POLDIP3: variants seen among roughly 807,000 people sequenced by gnomAD.
POLDIP3 encodes DNA polymerase delta interacting protein 3.
POLDIP3 carries 14 observed loss-of-function variants against 45.1 expected under a neutral mutation model. The observed-to-expected ratio is 0.31, with a 90% CI of 0.20 to 0.49. The LOEUF (loss-of-function observed/expected upper bound fraction) is 0.49, where lower values mean the gene tolerates loss of function less well. Among genes scored for constraint, POLDIP3 ranks in the 20% least tolerant of loss-of-function variants. The pLI, the probability that POLDIP3 is intolerant of heterozygous loss-of-function variation, is 0.99. For synonymous variants in POLDIP3, 223 were observed against 205.2 expected, an observed-to-expected ratio of 1.09 and a Z score of -0.74; for missense variants, 511 against 538.8, an observed-to-expected ratio of 0.95 and a Z score of 0.51.
rs1925136261 is a variant in POLDIP3 at position 42,584,058 on chromosome 22, C to T, written c.*1733G>A. On this transcript the variant is annotated 3_prime_UTR_variant, in exon 9 of 9. Transcript: ENST00000252115. ...GGATGAGAGGGAGGATAAAGCCATGCAGGGAGGATATTTACCATCCCTACC... is the reference window on the plus strand; with the variant it reads ...GGATGAGAGGGAGGATAAAGCCATGTAGGGAGGATATTTACCATCCCTACC... 1.3e-5 allele frequency: 2 copies of T among 152,580 alleles called. No homozygotes were observed. The highest frequency in any genetic ancestry group is 4.1e-4 in the South Asian group (2 of 4,820). The allele number at this position is 152,580 out of a possible 1,614,324, so 9.5% of individuals were successfully genotyped here.
intron 6 of POLDIP3, among the ~76,000 whole-genome samples, chr22:42,595,200 G>A (rs1033466343): frequency 2.6e-5 from 4 of 152,202 alleles, no homozygotes; most frequent in Admixed American, 1.3e-4. Flanking sequence ...AGAGAATGCC[G>A]AAGTGACCAG....
intron 7 of POLDIP3, 135 bp downstream of exon 7, chr22:42,591,820 G>A (rs137097): frequency 0.14 from 168,207 of 1,170,210 alleles, 13,364 homozygotes; most frequent in African/African-American, 0.31. Context: ...GAGACTGCAC[G>A]GCAGTTCCTG....
At chr22:42,614,177 G>A (rs1015131760) in intron 1 of POLDIP3, among the ~76,000 whole-genome samples, 1 of 152,140 alleles carries the variant, frequency 6.6e-6, no homozygotes, top group Non-Finnish European at 1.5e-5. Flanking sequence ...ACCACTTCCA[G>A]CCTCAAGTTC....
rs142466971 is a variant in POLDIP3 at position 42,606,585 on chromosome 22, T to A, written c.60-3425A>T. On this transcript the variant is annotated intron_variant, in intron 1 of 8. Coordinates refer to ENST00000252115, the MANE Select transcript of POLDIP3 (RefSeq NM_032311.5). The stretch of plus-strand genomic sequence containing the variant: ...TTGCCGTGAGCCAGGATCGAGATAC[T>A]GTCCTCCAGGCTGGACAACAGAGCA... Among the ~76,000 whole-genome samples the A allele has an allele frequency of 2.7e-3, 406 of 152,322 alleles. 4 individuals are homozygous for A. Among genetic ancestry groups the A allele is most frequent in the African/African-American group, 9.1e-3 (380 of 41,572 alleles).
Position 42,602,919 on chromosome 22 carries a change from G to A in POLDIP3, c.301C>T (p.Arg101Cys), listed in dbSNP as rs761037203. 23 of 1,613,944 alleles carry A rather than the reference G, an allele frequency of 1.4e-5. No homozygotes were observed. Among genetic ancestry groups the A allele is most frequent in the East Asian group, 2.2e-5 (1 of 44,894 alleles). The part of the protein sequence containing the change: ...VQDAREMLNS[R>C]KQQTTVPQKP... ...TGGGGCACCGTGGTCTGCTGCTTGC[G>A]AGAGTTCAACATCTCTCTGGCATCC... Residue 101 changes from arginine to cysteine, a missense_variant, in exon 2 of 9, where the codon CGC becomes TGC. By Grantham distance (180) the Arg-to-Cys change is radical. Transcript: ENST00000252115.
intron 7 of POLDIP3, among the ~76,000 whole-genome samples, chr22:42,588,047 C>T (rs1038119338): frequency 6.6e-6 from 1 of 151,996 alleles, no homozygotes; most frequent in Non-Finnish European, 1.5e-5. Flanking sequence ...AGGAACAGGG[C>T]CATGTGGGAG....
chr22:42,588,746 A>G (rs1461256678), intron 7 of POLDIP3, among the ~76,000 whole-genome samples: 1 of 151,042 alleles, frequency 6.6e-6, no homozygotes, highest in Non-Finnish European at 1.5e-5. Context: ...ATCCTGCCTC[A>G]GCCTCCGGAG....
chr22:42,607,520 C>A (rs1288376969), intron 1 of POLDIP3, among the ~76,000 whole-genome samples: 2 of 152,366 alleles, frequency 1.3e-5, no homozygotes, highest in East Asian at 3.9e-4. Flanking sequence ...AGCCTCTGCC[C>A]GGCTGCCACC....
At chr22:42,608,246 TA>T (rs1311599235) in intron 1 of POLDIP3, among the ~76,000 whole-genome samples, 3 of 137,148 alleles carry the variant, frequency 2.2e-5, no homozygotes, top group African/African-American at 9.2e-5. Context: ...TGTTAATCTA[TA>T]ACCTTACCCC....
At chr22:42,592,214 G>A (rs1200689729) in intron 6 of POLDIP3, 130 bp from the exon 7 acceptor site, 1 of 1,361,538 alleles carries the variant, frequency 7.3e-7, no homozygotes, top group Non-Finnish European at 1.0e-6. Flanking sequence ...ACTGCGGGGA[G>A]GCTCCACGCG....
intron 7 of POLDIP3, 113 bp downstream of exon 7, chr22:42,591,842 G>A: frequency 7.2e-7 from 1 of 1,388,212 alleles, no homozygotes; most frequent in Non-Finnish European, 1.0e-6. Flanking sequence ...TGCAGACGAG[G>A]CCCCAGAGAT....
intron 1 of POLDIP3, among the ~76,000 whole-genome samples, chr22:42,609,131 A>T: frequency 6.6e-6 from 1 of 152,178 alleles, no homozygotes; most frequent in East Asian, 1.9e-4. Context: ...GCTCCTTTAC[A>T]AAGCCCAACC....
At chr22:42,612,918 C>T (rs1260061886) in intron 1 of POLDIP3, among the ~76,000 whole-genome samples, 3 of 152,156 alleles carry the variant, frequency 2.0e-5, no homozygotes, top group Non-Finnish European at 4.4e-5. Flanking sequence ...TTCAGAACTC[C>T]CCTGGCCAGG....
chr22:42,602,249 C>A, intron 2 of POLDIP3, 193 bp from the exon 3 acceptor site: 1 of 871,276 alleles, frequency 1.1e-6, no homozygotes, highest in Non-Finnish European at 1.7e-6. Flanking sequence ...CGGTAACGCA[C>A]ATGTAGGGCT....
In POLDIP3 at chr22:42,585,691, CA is replaced by C; in HGVS notation, c.*99del. On this transcript the variant is annotated 3_prime_UTR_variant, in exon 9 of 9. Coordinates refer to ENST00000252115, the MANE Select transcript of POLDIP3 (RefSeq NM_032311.5). Reference sequence around the variant, plus strand: ...TATCCCTGGCAACCCTTCCCACAATCAGGGGTCTCCAGTCCGATGGCCCATT... The same window carrying C: ...TATCCCTGGCAACCCTTCCCACAATCGGGGTCTCCAGTCCGATGGCCCATT... The C allele has an allele frequency of 7.2e-7, 1 of 1,383,684 alleles. No individual in the cohort carries two copies. Among genetic ancestry groups the C allele is most frequent in the Non-Finnish European group, 9.9e-7 (1 of 1,013,158 alleles). The allele number at this position is 1,383,684 out of a possible 1,614,324, so 85.7% of individuals were successfully genotyped here. A position where few individuals can be genotyped will look rare whatever the true frequency, so the allele number is the denominator to read the frequency against.
chr22:42,612,310 C>T (rs1473041001), intron 1 of POLDIP3, among the ~76,000 whole-genome samples: 1 of 152,148 alleles, frequency 6.6e-6, no homozygotes, highest in Admixed American at 6.5e-5. Context: ...GTAGATATTA[C>T]TCAGGTTTTA....
intron 6 of POLDIP3, among the ~76,000 whole-genome samples, chr22:42,593,174 T>C (rs1200750990): frequency 1.3e-5 from 2 of 152,262 alleles, no homozygotes; most frequent in East Asian, 1.9e-4. Flanking sequence ...ATAGTTATAC[T>C]GTATTTCTAA....
intron 1 of POLDIP3, among the ~76,000 whole-genome samples, chr22:42,608,844 G>A (rs575386541): frequency 6.6e-6 from 1 of 152,242 alleles, no homozygotes; most frequent in Non-Finnish European, 1.5e-5. Context: ...GAGGGAGTAA[G>A]CTATTTCCCT....
chr22:42,614,760 C>A, intron 1 of POLDIP3, 39 bp downstream of exon 1: 1 of 1,610,948 alleles, frequency 6.2e-7, no homozygotes, highest in Non-Finnish European at 8.5e-7. Flanking sequence ...TCCACTAGGC[C>A]GAGGACCCTA....
Sources: gnomAD v4.1 joint callset for allele counts (sites outside exome capture counted in the v4.1 genomes callset) on GRCh38, gnomAD v4.1.1 for gene constraint, MANE v1.5 for transcripts, NCBI Gene and HGNC (gene_info 2026-07-23, HGNC 2026-07-21) for gene names.